TRAK1: variants seen among roughly 807,000 people sequenced by gnomAD.
TRAK1 encodes trafficking kinesin protein 1.
Under a neutral mutation model 92.1 loss-of-function variants are expected in TRAK1, and 33 were observed. The ratio of observed to expected loss-of-function variants is 0.36; its 90% CI spans 0.27 to 0.48. The LOEUF (loss-of-function observed/expected upper bound fraction) is 0.48. Among genes scored for constraint, TRAK1 ranks in the 20% least tolerant of loss-of-function variants. TRAK1 has a pLI of 0.99. For synonymous variants in TRAK1, 521 were observed against 517.3 expected, an observed-to-expected ratio of 1.01 and a Z score of -0.10; for missense variants, 1,123 against 1,257.9, an observed-to-expected ratio of 0.89 and a Z score of 1.62.
rs112628696 is a variant in TRAK1 at position 42,188,989 on chromosome 3, A to G, written c.582-27A>G. 10 of 1,531,894 alleles carry G rather than the reference A, an allele frequency of 6.5e-6. No individual in the cohort carries two copies. In the African/African-American group the frequency reaches 1.1e-4, roughly 17 times the overall value. 94.9% of individuals were successfully genotyped at this position (1,531,894 alleles called of 1,614,324 possible). ...GTGGTGGGAGGAAATGCGTCTCCCT[A>G]GGTTGTGAGCGTACTTTCTCCCCCA... On this transcript the variant is annotated intron_variant, in intron 5 of 15. Coordinates refer to ENST00000327628, the MANE Select transcript of TRAK1 (RefSeq NM_001042646.3).
intron 14 of TRAK1, chr3:42,210,657 T>A: frequency 1.0e-6 from 1 of 998,202 alleles, no homozygotes; most frequent in Non-Finnish European, 1.2e-6. Context: ...TCATCAGCCT[T>A]TTCACTTTCC....
chr3:42,059,326 G>A (rs1247388245), intron 1 of TRAK1, among the ~76,000 whole-genome samples: 2 of 152,180 alleles, frequency 1.3e-5, no homozygotes, highest in African/African-American at 4.8e-5. Flanking sequence ...TCAGGGCCCT[G>A]TCAAGTGTGC....
intron 14 of TRAK1, among the ~76,000 whole-genome samples, chr3:42,213,188 G>C (rs1385113121): frequency 1.3e-5 from 2 of 151,256 alleles, no homozygotes; most frequent in Non-Finnish European, 2.9e-5. Flanking sequence ...CTCCCAAGTA[G>C]CTGGGACTAT....
At chr3:42,015,018 G>T (rs907466473) in intron 1 of TRAK1, among the ~76,000 whole-genome samples, 4 of 152,180 alleles carry the variant, frequency 2.6e-5, no homozygotes, top group African/African-American at 9.7e-5. Flanking sequence ...CGAAGAGGAA[G>T]GTGCTCAGAC....
At chr3:42,130,565 T>G (rs1260217557) in intron 2 of TRAK1, among the ~76,000 whole-genome samples, 1 of 152,164 alleles carries the variant, frequency 6.6e-6, no homozygotes, top group African/African-American at 2.4e-5. Flanking sequence ...GTTTTCTGAC[T>G]AAGGAGATAA....
Position 42,184,708 on chromosome 3 carries a change from C to T in TRAK1, c.387C>T (p.Ala129=), listed in dbSNP as rs377073086. ...LEEKERDLEL[A]ARIGQSLLKK... ...AGAAAGAGCGGGATTTAGAATTGGC[C>T]GCTCGCATCGGCCAGTCGTTGTTGA... The change falls in exon 4 of 16, where the codon GCC becomes GCT. Residue 129 remains alanine (A), a synonymous_variant. Transcript: ENST00000327628. 2.4e-5 allele frequency: 39 copies of T among 1,613,926 alleles called. No individual in the cohort carries two copies. The highest frequency in any genetic ancestry group is 1.1e-4 in the African/African-American group (8 of 74,896).
In TRAK1 at chr3:42,193,197, G is replaced by A. The variant is rs777181830; in HGVS notation, c.892G>A (p.Ala298Thr). ...GCAAATAGTTGATTTGCAGAAAAAG[G>A]CAAAAGCTGTAAGGCTTCTCTGTTT... ...LSQIVDLQKKAKACAVENEEL... is the reference protein window; with the variant it reads ...LSQIVDLQKKTKACAVENEEL... The change falls in exon 8 of 16, where the codon GCA becomes ACA. Residue 298 changes from alanine (A) to threonine (T), a missense_variant. This residue lies in a region of TRAK1 where 686 missense variants were observed against 747.6 expected (regional missense o/e 0.92). Transcript: ENST00000327628. 3 of 1,614,008 alleles carry A rather than the reference G, an allele frequency of 1.9e-6. No homozygotes were observed. Among genetic ancestry groups the A allele is most frequent in the Non-Finnish European group, 1.7e-6 (2 of 1,179,940 alleles).
At chr3:42,179,944 G>A (rs1043294906) in intron 3 of TRAK1, among the ~76,000 whole-genome samples, 4 of 151,926 alleles carry the variant, frequency 2.6e-5, no homozygotes, top group African/African-American at 7.3e-5. Flanking sequence ...TGTTGCCCAG[G>A]CTGGTCTTAA....
chr3:42,052,787 C>A (rs1267646289), intron 1 of TRAK1, among the ~76,000 whole-genome samples: 2 of 152,146 alleles, frequency 1.3e-5, no homozygotes, highest in African/African-American at 4.8e-5. Context: ...CCCCCTCCCC[C>A]ATTATGAAAG....
intron 3 of TRAK1, among the ~76,000 whole-genome samples, chr3:42,181,635 G>A (rs915861015): frequency 2.0e-5 from 3 of 152,206 alleles, no homozygotes; most frequent in African/African-American, 7.2e-5. Context: ...TGCAGACCAG[G>A]TAGTCAGGTA....
At chr3:42,085,892 A>G (rs1239687287), upstream of TRAK1, among the ~76,000 whole-genome samples, 3 of 152,238 alleles carry the variant, frequency 2.0e-5, no homozygotes, top group African/African-American at 7.2e-5. Context: ...CAGTGGCATC[A>G]TCACACATAA....
At chr3:42,037,974 T>G (rs932625959) in intron 1 of TRAK1, among the ~76,000 whole-genome samples, 1 of 152,160 alleles carries the variant, frequency 6.6e-6, no homozygotes, top group Non-Finnish European at 1.5e-5. Flanking sequence ...TTTCCTGATA[T>G]GAGTTGTGTG....
At chr3:42,124,639 G>T (rs1036824323) in intron 1 of TRAK1, among the ~76,000 whole-genome samples, 1 of 152,204 alleles carries the variant, frequency 6.6e-6, no homozygotes, top group African/African-American at 2.4e-5. Flanking sequence ...GGGTAGCTGT[G>T]TATGGAAGTT....
chr3:42,080,259 T>C (rs1397205062), intron 1 of TRAK1, among the ~76,000 whole-genome samples: 1 of 152,166 alleles, frequency 6.6e-6, no homozygotes, highest in Non-Finnish European at 1.5e-5. Flanking sequence ...CGTTAAGTAC[T>C]CTTGACAAAC....
At chr3:42,098,766 C>T (rs1291484158) in intron 1 of TRAK1, among the ~76,000 whole-genome samples, 2 of 152,166 alleles carry the variant, frequency 1.3e-5, no homozygotes, top group African/African-American at 2.4e-5. Context: ...GCCTTTTGAG[C>T]ATGGGAGTCC....
intron 14 of TRAK1, among the ~76,000 whole-genome samples, chr3:42,215,124 T>C (rs1709522965): frequency 6.6e-6 from 1 of 152,116 alleles, no homozygotes; most frequent in Non-Finnish European, 1.5e-5. Flanking sequence ...ATCATAGAAC[T>C]TTTTTTCCCC....
At chr3:42,161,640 C>T (rs1433261601) in intron 2 of TRAK1, among the ~76,000 whole-genome samples, 8 of 152,190 alleles carry the variant, frequency 5.3e-5, no homozygotes, top group African/African-American at 1.9e-4. Context: ...CAGCCATATA[C>T]TGAAAGTATT....
intron 1 of TRAK1, among the ~76,000 whole-genome samples, chr3:42,103,055 A>C (rs898756294): frequency 2.0e-5 from 3 of 152,220 alleles, no homozygotes; most frequent in African/African-American, 7.2e-5. Flanking sequence ...AATTATCACC[A>C]GTTCAGTTGG....
At chr3:42,100,191 C>G (rs1706542604) in intron 1 of TRAK1, among the ~76,000 whole-genome samples, 1 of 152,150 alleles carries the variant, frequency 6.6e-6, no homozygotes, top group South Asian at 2.1e-4. Context: ...CATAGTGAGA[C>G]TCCCATCTCT....
Sources: allele counts gnomAD v4.1 joint callset (sites outside exome capture counted in the v4.1 genomes callset), GRCh38; gene constraint gnomAD v4.1.1; regional missense constraint gnomAD v4.1.1; transcripts MANE v1.5; gene names NCBI Gene and HGNC (gene_info 2026-07-23, HGNC 2026-07-21).